THBS1: variants seen among roughly 807,000 people sequenced by gnomAD.
The protein encoded by THBS1 is thrombospondin 1, also known as thrombospondin-1.
THBS1 carries 29 observed loss-of-function variants against 126.1 expected under a neutral mutation model. The observed-to-expected ratio is 0.23, with a 90% confidence interval of 0.17 to 0.31. The LOEUF (loss-of-function observed/expected upper bound fraction) is 0.31. Ranked by LOEUF, THBS1 falls within the 10% of genes least tolerant of loss-of-function variation. The pLI is 1.00. For synonymous variants in THBS1, 496 were observed against 577.8 expected (o/e 0.86, Z 2.03); for missense variants, 1,198 against 1,545.2 (o/e 0.78, Z 3.77).
At chr15:39,591,751 C>T in intron 16 of THBS1, 128 bp downstream of exon 16, 2 of 824,938 alleles carry the variant, frequency 2.4e-6, no homozygotes, top group South Asian at 3.1e-5. Flanking sequence ...TTCTCATAGC[C>T]AACTGGAATA....
At position 39,593,912 on chromosome 15, in the gene THBS1, C is replaced by G. The variant is rs191897858; in HGVS notation, c.3268-187C>G. 26 of 868,490 alleles carry G rather than the reference C, an allele frequency of 3.0e-5. No homozygotes were observed. The Admixed American group carries it at 5.0e-4, about 17-fold the overall frequency. The allele number at this position is 868,490 out of a possible 1,614,324, so 53.8% of individuals were successfully genotyped here. ...AAACAAAAAAACCTCCTTCCCTCCT[C>G]TCTGTCTGCTTTATATGTGTGCTCA... On this transcript the variant is annotated intron_variant, in intron 19 of 21. Coordinates refer to ENST00000260356, the MANE Select transcript of THBS1 (RefSeq NM_003246.4). The surrounding 1 kb of genome is among the most constrained non-coding windows in gnomAD (Gnocchi z 5.9).
chr15:39,584,723 A>C (rs974309150), intron 6 of THBS1, among the ~76,000 whole-genome samples: 1 of 146,606 alleles, frequency 6.8e-6, no homozygotes, highest in African/African-American at 2.7e-5. Context: ...CAGGTAAATA[A>C]AACCTGGTTG....
chr15:39,587,675 C>A (rs1890234999), intron 8 of THBS1, among the ~76,000 whole-genome samples, 155 bp downstream of exon 8: 1 of 152,232 alleles, frequency 6.6e-6, no homozygotes, highest in South Asian at 2.1e-4. Context: ...ACACAACTTA[C>A]CCTCTCTGAG....
Position 39,592,856 on chromosome 15 carries a change from A to G in THBS1, c.2767+54A>G. On this transcript the variant is annotated intron_variant, in intron 17 of 21. Transcript: ENST00000260356. The surrounding 1 kb of genome is among the most constrained non-coding windows in gnomAD (Gnocchi z 4.3). ...AGGGACTGCTGGCACAGCTGTGTAGATTGAAGAAATGAAACCAAGGCTCAA... is the reference window on the plus strand; with the variant it reads ...AGGGACTGCTGGCACAGCTGTGTAGGTTGAAGAAATGAAACCAAGGCTCAA... 6.3e-7 allele frequency: 1 copy of G among 1,579,034 alleles called. No individual in the cohort carries two copies. The highest frequency in any genetic ancestry group is 1.2e-5 in the South Asian group (1 of 86,184).
rs753383749 is a variant in THBS1, at chr15:39,582,657, G to A, written c.532G>A (p.Glu178Lys). Residue 178 changes from glutamate to lysine, a missense_variant, in exon 3 of 22, where the codon GAG (glutamate) becomes AAG (lysine). Transcript: ENST00000260356. ...YIDCEKMENA[E>K]LDVPIQSVFT... is the part of the protein sequence containing the mutation. ...CGACTGTGAAAAGATGGAGAATGCT[G>A]AGTTGGACGTCCCCATCCAAAGCGT... The A allele has an allele frequency of 1.9e-6, 3 of 1,613,802 alleles. No individual in the cohort carries two copies. Among genetic ancestry groups the A allele is most frequent in the Non-Finnish European group, 2.5e-6 (3 of 1,180,044 alleles).
chr15:39,593,706 G>A lies in THBS1; in HGVS notation c.3267+38G>A. 6.2e-7 allele frequency: 1 copy of A among 1,605,170 alleles called. No individual in the cohort carries two copies. The highest frequency in any genetic ancestry group is 1.1e-5 in the South Asian group (1 of 90,316). On this transcript the variant is annotated intron_variant, in intron 19 of 21. Transcript: ENST00000260356. This position sits in a 1 kb window ranked among gnomAD's most constrained non-coding sequence, Gnocchi z 5.9. ...GCCCTGGAACAGAGAGAGAGCTTAT[G>A]GGTGCCTGACTAGCACTGGGGATGC...
At position 39,593,740 on chromosome 15, in the gene THBS1, G is replaced by C. The variant is rs2140351105; in HGVS notation, c.3267+72G>C. ...ACTAGCACTGGGGATGCTGTGCTTT[G>C]ACCAAGACTCTGACCAGGGAGTCTT... On this transcript the variant is annotated intron_variant, in intron 19 of 21. Transcript: ENST00000260356. The surrounding 1 kb of genome is among the most constrained non-coding windows in gnomAD (Gnocchi z 5.9). 2 of 1,561,472 alleles carry C rather than the reference G, an allele frequency of 1.3e-6. No homozygotes were observed. Among genetic ancestry groups the C allele is most frequent in the South Asian group, 2.4e-5 (2 of 82,974 alleles).
intron 21 of THBS1, among the ~76,000 whole-genome samples, chr15:39,595,027 A>C (rs1288629739): frequency 1.3e-5 from 2 of 152,224 alleles, no homozygotes; most frequent in African/African-American, 2.4e-5. Context: ...GATCAATGAC[A>C]GTAGAGAAAG....
chr15:39,588,631 T>C lies in THBS1; in HGVS notation c.1577T>C (p.Phe526Ser), dbSNP rs773583915. ...CTCTGCAACAACCCCACACCCCAGT[T>C]TGGAGGCAAGGACTGCGTTGGTGAT... ...SRLCNNPTPQ[F>S]GGKDCVGDVT... The change falls in exon 10 of 22, where the codon TTT (phenylalanine) becomes TCT (serine). Residue 526 changes from phenylalanine (F) to serine (S), a missense_variant. Phe to Ser is a radical substitution (Grantham distance 155). Around this residue, in one of 4 missense-constraint regions of THBS1, gnomAD observed 663 missense variants for 860.1 expected, o/e 0.77. Coordinates refer to ENST00000260356, the MANE Select transcript of THBS1 (RefSeq NM_003246.4). 6.2e-7 allele frequency: 1 copy of C among 1,611,116 alleles called. No individual in the cohort carries two copies. Among genetic ancestry groups the C allele is most frequent in the Non-Finnish European group, 8.5e-7 (1 of 1,178,912 alleles).
rs1230224576 is a variant in THBS1, at chr15:39,596,870, A to C, written c.*1501A>C. The C allele has an allele frequency of 6.6e-6, 1 of 152,250 alleles. No individual in the cohort carries two copies. Among genetic ancestry groups the C allele is most frequent in the Non-Finnish European group, 1.5e-5 (1 of 68,044 alleles). The allele number at this position is 152,250 out of a possible 1,614,324, so 9.4% of individuals were successfully genotyped here. On this transcript the variant is annotated 3_prime_UTR_variant, in exon 22 of 22. Transcript: ENST00000260356. Reference sequence around the variant, plus strand: ...AAGAGAAAAAAATGACAAAAGGTGAAACTTACATACAAATATTACCTCATT... The same window carrying C: ...AAGAGAAAAAAATGACAAAAGGTGACACTTACATACAAATATTACCTCATT...
chr15:39,582,055 A>G, intron 2 of THBS1, 131 bp downstream of exon 2: 3 of 1,327,566 alleles, frequency 2.3e-6, no homozygotes, highest in Non-Finnish European at 3.2e-6. Context: ...CTTCACTCTG[A>G]TCCTGGTATT....
intron 1 of THBS1, among the ~76,000 whole-genome samples, chr15:39,581,524 C>T (rs190654151): frequency 1.5e-3 from 224 of 152,300 alleles, no homozygotes; most frequent in African/African-American, 5.2e-3. Context: ...TTCCCCTGCC[C>T]TCCCTGCAAC....
chr15:39,588,859 T>C (rs746029482), intron 10 of THBS1, 100 bp from the exon 11 acceptor site: 2 of 1,605,506 alleles, frequency 1.2e-6, no homozygotes, highest in Non-Finnish European at 1.7e-6. Context: ...ATCGGTTCCC[T>C]ATACCCTATA....
At chr15:39,590,737 C>A in intron 14 of THBS1, 114 bp downstream of exon 14, 2 of 772,864 alleles carry the variant, frequency 2.6e-6, no homozygotes, top group Non-Finnish European at 4.3e-6. Context: ...AATCAATACA[C>A]AGGATAATTA....
At position 39,591,509 on chromosome 15, in the gene THBS1, C is replaced by T; in HGVS notation, c.2418C>T (p.Ile806=). Residue 806 remains isoleucine (I), a synonymous_variant, in exon 16 of 22, where the codon ATC becomes ATT. Coordinates refer to ENST00000260356, the MANE Select transcript of THBS1 (RefSeq NM_003246.4). ...ACAADIDGDG[I]LNERDNCQYV... is the part of the protein sequence containing the mutation. Reference sequence around the variant, plus strand: ...TTTGTCCCTTGTTCTCTTCAGGTATCCTCAATGAACGGGACAACTGCCAGT... The same window carrying T: ...TTTGTCCCTTGTTCTCTTCAGGTATTCTCAATGAACGGGACAACTGCCAGT... 6.2e-7 allele frequency: 1 copy of T among 1,614,142 alleles called. No individual in the cohort carries two copies. Among genetic ancestry groups the T allele is most frequent in the South Asian group, 1.1e-5 (1 of 91,072 alleles).
intron 21 of THBS1, 136 bp from the exon 22 acceptor site, chr15:39,595,226 G>A (rs1331878429): frequency 7.5e-6 from 4 of 531,108 alleles, no homozygotes; most frequent in African/African-American, 5.8e-5. Context: ...TAATGTGCTT[G>A]AACAACCTTA....
chr15:39,594,119 C>A lies in THBS1; in HGVS notation c.3288C>A (p.Asp1096Glu), dbSNP rs1241133259. The change falls in exon 20 of 22, where the codon GAC becomes GAA. Residue 1096 changes from aspartate to glutamate, a missense_variant. Physicochemically the swap from Asp to Glu is conservative, Grantham distance 45. Coordinates refer to ENST00000260356, the MANE Select transcript of THBS1 (RefSeq NM_003246.4). The surrounding 1 kb of genome is among the most constrained non-coding windows in gnomAD (Gnocchi z 4.4). ...TTCAGGTGCGCACCCTGTGGCATGA[C>A]CCTCGTCACATAGGCTGGAAAGATT... ...TPGQVRTLWH[D>E]PRHIGWKDFT... 2 of 1,613,932 alleles carry A rather than the reference C, an allele frequency of 1.2e-6. No homozygotes were observed. The highest frequency in any genetic ancestry group is 1.7e-6 in the Non-Finnish European group (2 of 1,179,978).
rs745904980 is a variant in THBS1, at chr15:39,584,360, G to A, written c.964G>A (p.Gly322Arg). The A allele has an allele frequency of 1.1e-5, 18 of 1,614,084 alleles. No homozygotes were observed. Among genetic ancestry groups the A allele is most frequent in the Admixed American group, 3.3e-5 (2 of 60,000 alleles). Reference sequence around the variant, plus strand: ...GCGGCCTCCCCTATGCTATCACAACGGAGTTCAGTACAGAAATAACGAGGA... The same window carrying A: ...GCGGCCTCCCCTATGCTATCACAACAGAGTTCAGTACAGAAATAACGAGGA... ...LRRPPLCYHN[G>R]VQYRNNEEWT... The change falls in exon 6 of 22, where the codon GGA (glycine) becomes AGA (arginine). Residue 322 changes from glycine to arginine, a missense_variant. Around this residue, in one of 4 missense-constraint regions of THBS1, gnomAD observed 663 missense variants for 860.1 expected, o/e 0.77. Transcript: ENST00000260356.
At position 39,589,135 on chromosome 15, in the gene THBS1, AC is replaced by A; in HGVS notation, c.1773+51del. On this transcript the variant is annotated intron_variant, in intron 11 of 21. Transcript: ENST00000260356. This position sits in a 1 kb window ranked among gnomAD's most constrained non-coding sequence, Gnocchi z 4.7. ...GTTTCTGGATCTAGGAAAGCAGCTAACCTGTGCAGTCGCTTCCTTATGGCAG... is the reference window on the plus strand; with the variant it reads ...GTTTCTGGATCTAGGAAAGCAGCTAACTGTGCAGTCGCTTCCTTATGGCAG... 6.2e-7 allele frequency: 1 copy of A among 1,612,982 alleles called. No individual in the cohort carries two copies. The highest frequency in any genetic ancestry group is 8.5e-7 in the Non-Finnish European group (1 of 1,179,014).
Sources: allele counts gnomAD v4.1 joint callset (sites outside exome capture counted in the v4.1 genomes callset), GRCh38; gene constraint gnomAD v4.1.1; regional missense constraint gnomAD v4.1.1; non-coding constraint Gnocchi (gnomAD v3.1); transcripts MANE v1.5; gene names NCBI Gene and HGNC (gene_info 2026-07-23, HGNC 2026-07-21).